The following PHACTR1 variants were observed in gnomAD, a reference collection of about 807,000 sequenced individuals.
The protein encoded by PHACTR1 is RPEL repeat containing 1.
Under a neutral mutation model 69.2 loss-of-function variants are expected in PHACTR1, and 16 were observed. That is an observed-to-expected ratio of 0.23 (90% confidence interval 0.16 to 0.35). The LOEUF (loss-of-function observed/expected upper bound fraction) is 0.35, where lower values mean the gene tolerates loss of function less well. Among genes scored for constraint, PHACTR1 ranks in the 10% least tolerant of loss-of-function variants. PHACTR1 has a pLI of 1.00. For missense variants in PHACTR1, 510 were observed against 734.7 expected (o/e 0.69, Z 3.54); for synonymous variants, 312 against 284.5 (o/e 1.10, Z -0.97).
At chr6:13,205,334 C>G (rs1423508251) in intron 7 of PHACTR1, among the ~76,000 whole-genome samples, 6 of 152,220 alleles carry the variant, frequency 3.9e-5, no homozygotes, top group Non-Finnish European at 8.8e-5. Flanking sequence ...GACCCAAATG[C>G]CTCCCACTAG....
At chr6:13,050,273 A>G (rs1246130036) in intron 4 of PHACTR1, among the ~76,000 whole-genome samples, 1 of 152,104 alleles carries the variant, frequency 6.6e-6, no homozygotes, top group Non-Finnish European at 1.5e-5. Flanking sequence ...TGTTGTTGTT[A>G]TTGTTACCAC....
intron 5 of PHACTR1, among the ~76,000 whole-genome samples, chr6:13,078,737 G>A (rs1379092614): frequency 6.6e-6 from 1 of 152,192 alleles, no homozygotes; most frequent in Non-Finnish European, 1.5e-5. Flanking sequence ...GAGTTCTTCT[G>A]AGTAATAGTA....
intron 5 of PHACTR1, among the ~76,000 whole-genome samples, chr6:13,079,712 A>T (rs1033753273): frequency 6.6e-6 from 1 of 152,232 alleles, no homozygotes; most frequent in East Asian, 1.9e-4. Context: ...AGGTTGCATT[A>T]TGTACCAATC....
chr6:12,810,894 T>TGCTTGGTCACCCAGTTGCCC lies in PHACTR1; in HGVS notation c.250+61105_250+61124dup, dbSNP rs1266627246. 3.9e-5 allele frequency among the ~76,000 whole-genome samples: 6 copies of TGCTTGGTCACCCAGTTGCCC among 152,364 alleles called. No homozygotes were observed. The South Asian group carries it at 8.3e-4, about 21-fold the overall frequency. On this transcript the variant is annotated intron_variant, in intron 4 of 14. Coordinates refer to ENST00000332995, the MANE Select transcript of PHACTR1 (RefSeq NM_030948.6). ...CATTCTAACTCCTCAAGAAAGAGCC[T>TGCTTGGTCACCCAGTTGCCC]GCTTGGTCACCCAGTTGCCCATGAG...
At chr6:13,205,691 T>C in intron 7 of PHACTR1, 124 bp from the exon 8 acceptor site, 1 of 876,246 alleles carries the variant, frequency 1.1e-6, no homozygotes, top group Non-Finnish European at 1.7e-6. Flanking sequence ...TGCCTCCAAC[T>C]GACGCATTTT....
intron 5 of PHACTR1, among the ~76,000 whole-genome samples, chr6:13,088,829 C>T (rs1234346886): frequency 6.6e-6 from 1 of 152,160 alleles, no homozygotes; most frequent in African/African-American, 2.4e-5. Flanking sequence ...GGATACAATG[C>T]AATGCACATG....
intron 8 of PHACTR1, among the ~76,000 whole-genome samples, chr6:13,218,598 C>T (rs906892344): frequency 2.6e-5 from 4 of 151,996 alleles, no homozygotes; most frequent in African/African-American, 7.3e-5. Context: ...ATCCTAACAA[C>T]TTTGGGAGCC....
At chr6:13,050,069 C>T (rs1257694139) in intron 4 of PHACTR1, among the ~76,000 whole-genome samples, 1 of 152,218 alleles carries the variant, frequency 6.6e-6, no homozygotes, top group East Asian at 1.9e-4. Flanking sequence ...CTTTGCTTCT[C>T]TCCTGGACTC....
In PHACTR1 at chr6:13,245,736, T is replaced by C. The variant is rs1311764214; in HGVS notation, c.1391+15543T>C. Among the ~76,000 whole-genome samples, 1 of 152,208 alleles carries C rather than the reference T, an allele frequency of 6.6e-6. No homozygotes were observed. Among genetic ancestry groups the C allele is most frequent in the Admixed American group, 6.5e-5 (1 of 15,288 alleles). On this transcript the variant is annotated intron_variant, in intron 10 of 14. Coordinates refer to ENST00000332995, the MANE Select transcript of PHACTR1 (RefSeq NM_030948.6). The surrounding 1 kb of genome is among the most constrained non-coding windows in gnomAD (Gnocchi z 4.1). ...TTCATGAAATCTTTGCCAGGTCTTG[T>C]GTTCAGAATGGTATTTCCTAGGTTA...
At chr6:13,071,783 G>C (rs1367766892) in intron 5 of PHACTR1, among the ~76,000 whole-genome samples, 1 of 152,164 alleles carries the variant, frequency 6.6e-6, no homozygotes, top group Non-Finnish European at 1.5e-5. Flanking sequence ...GAAAACCTCT[G>C]TTAAAATGTA....
chr6:12,830,155 A>AAAGAAAGAAAGAAAGAAAGAAAGAC (rs1561924074), intron 4 of PHACTR1, among the ~76,000 whole-genome samples: 4 of 143,256 alleles, frequency 2.8e-5, no homozygotes, highest in African/African-American at 5.1e-5. Flanking sequence ...GAAAGAAAGA[A>AAAGAAAGAAAGAAAGAAAGAAAGAC]AGACATCTTC....
intron 4 of PHACTR1, among the ~76,000 whole-genome samples, chr6:12,815,661 G>A (rs1164579544): frequency 2.0e-5 from 3 of 152,142 alleles, no homozygotes; most frequent in South Asian, 2.1e-4. Context: ...ATCCAAAACG[G>A]GGAAAATACA....
At chr6:13,023,858 C>G (rs778535849) in intron 4 of PHACTR1, among the ~76,000 whole-genome samples, 1 of 152,240 alleles carries the variant, frequency 6.6e-6, no homozygotes, top group Non-Finnish European at 1.5e-5. Flanking sequence ...AGGCAGATTA[C>G]TTGAGGCCAG....
intron 4 of PHACTR1, among the ~76,000 whole-genome samples, chr6:13,030,681 A>G (rs1802334281): frequency 6.6e-6 from 1 of 152,270 alleles, no homozygotes; most frequent in African/African-American, 2.4e-5. Flanking sequence ...TAAATCACAC[A>G]TGTGAAACAG....
At chr6:13,027,359 A>G (rs1801838620) in intron 4 of PHACTR1, among the ~76,000 whole-genome samples, 1 of 152,164 alleles carries the variant, frequency 6.6e-6, no homozygotes, top group Admixed American at 6.5e-5. Context: ...TATCCAGTCC[A>G]AGGTGATAAG....
At position 13,105,268 on chromosome 6, in the gene PHACTR1, A is replaced by G. The variant is rs140751801; in HGVS notation, c.415+51739A>G. Among the ~76,000 whole-genome samples, 262 of 152,246 alleles carry G rather than the reference A, an allele frequency of 1.7e-3. 1 individual carries two copies. The highest frequency in any genetic ancestry group is 6.2e-3 in the African/African-American group (257 of 41,548). On this transcript the variant is annotated intron_variant, in intron 5 of 14. Coordinates refer to ENST00000332995, the MANE Select transcript of PHACTR1 (RefSeq NM_030948.6). ...GTGATGCACACCTGTACTCCCAGCT[A>G]CACTGGTAGCTGAGTTGGGGGGATC...
intron 4 of PHACTR1, among the ~76,000 whole-genome samples, chr6:12,969,694 G>A (rs1793939328): frequency 6.6e-6 from 1 of 152,214 alleles, no homozygotes; most frequent in African/African-American, 2.4e-5. Context: ...AGGTGCAGTG[G>A]CTCACGCCTG....
At chr6:12,951,528 G>GTAAA (rs1267596784) in intron 4 of PHACTR1, among the ~76,000 whole-genome samples, 2 of 152,350 alleles carry the variant, frequency 1.3e-5, no homozygotes, top group East Asian at 3.9e-4. Flanking sequence ...CTCTCAGAGG[G>GTAAA]TAAAGTACTT....
At chr6:12,889,742 TTTCTTCTTC>T (rs766006556) in intron 4 of PHACTR1, among the ~76,000 whole-genome samples, 1 of 145,168 alleles carries the variant, frequency 6.9e-6, no homozygotes, top group Non-Finnish European at 1.5e-5. Flanking sequence ...TTCTTTCTTC[TTTCTTCTTC>T]TTCTTCTTCT....
Sources: gnomAD v4.1 joint callset for allele counts (sites outside exome capture counted in the v4.1 genomes callset) on GRCh38, gnomAD v4.1.1 for gene constraint, Gnocchi (gnomAD v3.1) non-coding constraint, MANE v1.5 for transcripts, NCBI Gene and HGNC (gene_info 2026-07-23, HGNC 2026-07-21) for gene names.